Variants in FHIT observed in about 807,000 individuals in gnomAD.
The protein encoded by FHIT is fragile histidine triad diadenosine triphosphatase.
In FHIT, 19 loss-of-function variants were observed where a neutral mutation model predicts 17.9. That is an observed-to-expected ratio of 1.06 (90% CI 0.74 to 1.56). The LOEUF (loss-of-function observed/expected upper bound fraction) is 1.56, where lower values mean the gene tolerates loss of function less well. Among genes scored for constraint, FHIT ranks in the 40% most tolerant of loss-of-function variants. The pLI, the probability that FHIT is intolerant of heterozygous loss-of-function variation, is 0.00. For missense variants in FHIT, 248 were observed against 189.2 expected, an observed-to-expected ratio of 1.31 and a Z score of -1.82; for synonymous variants, 81 against 69.7, an observed-to-expected ratio of 1.16 and a Z score of -0.81.
chr3:60,372,101 A>G (rs1700354789), intron 5 of FHIT, among the ~76,000 whole-genome samples: 1 of 152,174 alleles, frequency 6.6e-6, no homozygotes. Flanking sequence ...GCTTAAATGC[A>G]TCATGTACTT....
At chr3:60,435,498 A>G (rs2107310150) in intron 5 of FHIT, among the ~76,000 whole-genome samples, 1 of 152,142 alleles carries the variant, frequency 6.6e-6, no homozygotes, top group South Asian at 2.1e-4. Context: ...GTCTGCTGAA[A>G]TATCAAAGTA....
intron 5 of FHIT, among the ~76,000 whole-genome samples, chr3:60,324,646 A>G (rs1882898): frequency 0.65 from 97,733 of 150,836 alleles, 32,487 homozygotes; most frequent in African/African-American, 0.75. Flanking sequence ...TTAAGGAGCT[A>G]AAGTGTTATG....
intron 5 of FHIT, among the ~76,000 whole-genome samples, chr3:60,065,407 T>C (rs2630154): frequency 0.34 from 51,308 of 151,942 alleles, 10,653 homozygotes; most frequent in African/African-American, 0.59. Flanking sequence ...TAGTGCCTGC[T>C]TCACAGAGGC....
chr3:60,314,965 A>T (rs1709101489), intron 5 of FHIT, among the ~76,000 whole-genome samples: 1 of 152,194 alleles, frequency 6.6e-6, no homozygotes, highest in African/African-American at 2.4e-5. Flanking sequence ...AGCAGAACTT[A>T]CTATGCCCAG....
intron 8 of FHIT, among the ~76,000 whole-genome samples, chr3:59,790,609 T>G (rs1162989631): frequency 6.6e-6 from 1 of 152,142 alleles, no homozygotes; most frequent in African/African-American, 2.4e-5. Context: ...AAAACAAGAA[T>G]TTTTCCATTT....
At chr3:59,800,789 T>A (rs1699962426) in intron 8 of FHIT, among the ~76,000 whole-genome samples, 1 of 151,968 alleles carries the variant, frequency 6.6e-6, no homozygotes, top group African/African-American at 2.4e-5. Flanking sequence ...TTTCTGAGCA[T>A]TGCAGTGGCT....
At chr3:60,034,036 T>C (rs1476497339) in intron 5 of FHIT, among the ~76,000 whole-genome samples, 3 of 152,216 alleles carry the variant, frequency 2.0e-5, no homozygotes, top group African/African-American at 7.2e-5. Context: ...CAGCAGTGAC[T>C]TACATGATTG....
At chr3:60,542,972 A>G (rs1248988959) in intron 4 of FHIT, among the ~76,000 whole-genome samples, 2 of 152,282 alleles carry the variant, frequency 1.3e-5, no homozygotes, top group East Asian at 1.9e-4. Flanking sequence ...TTGTGAGCCA[A>G]TTTTCCTAGT....
chr3:60,610,914 C>A (rs2038766502), intron 4 of FHIT, among the ~76,000 whole-genome samples: 1 of 152,136 alleles, frequency 6.6e-6, no homozygotes, highest in African/African-American at 2.4e-5. Context: ...TGGCTCCAGT[C>A]CCAGCTTTTA....
At chr3:59,911,257 C>T (rs1213300954) in intron 8 of FHIT, among the ~76,000 whole-genome samples, 2 of 152,058 alleles carry the variant, frequency 1.3e-5, no homozygotes, top group Non-Finnish European at 2.9e-5. Flanking sequence ...TTAATTAGAT[C>T]AGTTGTCCAA....
rs1449478689 is a variant in FHIT at position 60,184,303 on chromosome 3, CT to C, written c.104-170152del. Among the ~76,000 whole-genome samples the C allele has an allele frequency of 2.0e-5, 3 of 152,036 alleles. No individual in the cohort carries two copies. The East Asian group carries it at 5.8e-4, about 29-fold the overall frequency. ...TTTCCTTAGTTTTCAATCTAATATG[CT>C]TTTTCTACTCCAGGACCCCATCCAA... On this transcript the variant is annotated intron_variant, in intron 5 of 9. Coordinates refer to ENST00000492590, the MANE Select transcript of FHIT (RefSeq NM_002012.4).
chr3:59,941,652 C>T (rs776991505), intron 7 of FHIT, among the ~76,000 whole-genome samples: 1 of 152,082 alleles, frequency 6.6e-6, no homozygotes, highest in Non-Finnish European at 1.5e-5. Context: ...CTGGACATAG[C>T]GCATAACACT....
chr3:60,467,564 T>C (rs1031879188), intron 5 of FHIT, among the ~76,000 whole-genome samples: 1 of 151,956 alleles, frequency 6.6e-6, no homozygotes, highest in African/African-American at 2.4e-5. Flanking sequence ...ATTTTCTTAA[T>C]TTTTTCATTG....
At position 60,385,584 on chromosome 3, in the gene FHIT, C is replaced by T. The variant is rs559833491; in HGVS notation, c.103+151276G>A. Among the ~76,000 whole-genome samples the T allele has an allele frequency of 2.6e-5, 4 of 152,174 alleles. No individual in the cohort carries two copies. In the East Asian group the frequency reaches 5.8e-4, roughly 22 times the overall value. ...TTCTGAGTTAAATATTTATATAATA[C>T]AATTTTTGTAACTGAAACAGGATCT... On this transcript the variant is annotated intron_variant, in intron 5 of 9. Transcript: ENST00000492590.
chr3:59,969,645 G>A (rs147210874), intron 7 of FHIT, among the ~76,000 whole-genome samples: 3 of 152,030 alleles, frequency 2.0e-5, no homozygotes, highest in Non-Finnish European at 4.4e-5. Flanking sequence ...TGCTTCATTT[G>A]CGTACTTGCG....
At chr3:60,117,704 C>G (rs1705035790) in intron 5 of FHIT, among the ~76,000 whole-genome samples, 1 of 151,944 alleles carries the variant, frequency 6.6e-6, no homozygotes, top group African/African-American at 2.4e-5. Context: ...AACAGACGCG[C>G]AGAGAATGCA....
intron 5 of FHIT, among the ~76,000 whole-genome samples, chr3:60,235,963 C>G (rs991519629): frequency 9.9e-5 from 15 of 152,062 alleles, no homozygotes; most frequent in African/African-American, 3.6e-4. Flanking sequence ...CTAAAAAACC[C>G]AGAGGACTTC....
chr3:61,014,889 T>C (rs2032020810), intron 3 of FHIT, among the ~76,000 whole-genome samples: 2 of 148,256 alleles, frequency 1.3e-5, no homozygotes, highest in African/African-American at 4.9e-5. Context: ...TGTATATCTA[T>C]ACATACATCC....
At chr3:60,230,302 A>G (rs1014057134) in intron 5 of FHIT, among the ~76,000 whole-genome samples, 1 of 152,168 alleles carries the variant, frequency 6.6e-6, no homozygotes, top group Admixed American at 6.5e-5. Context: ...CAGTCAAATA[A>G]TAAGAGAAAA....
Sources: allele counts gnomAD v4.1 joint callset (sites outside exome capture counted in the v4.1 genomes callset), GRCh38; gene constraint gnomAD v4.1.1; transcripts MANE v1.5; gene names NCBI Gene and HGNC (gene_info 2026-07-23, HGNC 2026-07-21).